Variants in LAMA3 observed in about 807,000 individuals in gnomAD.
The protein encoded by LAMA3 is laminin subunit alpha 3.
In LAMA3, 281 loss-of-function variants were observed where a neutral mutation model predicts 402.0. That is an observed-to-expected ratio of 0.70 (90% CI 0.63 to 0.77). The LOEUF is 0.77. LAMA3 is among the 30% of genes least tolerant of loss of function. The pLI is 0.00. For synonymous variants in LAMA3, 1,431 were observed against 1,558.4 expected, an observed-to-expected ratio of 0.92 and a Z score of 1.93; for missense variants, 3,840 against 4,215.5, an observed-to-expected ratio of 0.91 and a Z score of 2.47.
intron 23 of LAMA3, among the ~76,000 whole-genome samples, chr18:23,831,431 G>A (rs1041574099): frequency 2.6e-5 from 4 of 151,900 alleles, no homozygotes; most frequent in African/African-American, 9.7e-5. Flanking sequence ...GCCTCCTACT[G>A]CAAGCCGTTC....
intron 8 of LAMA3, among the ~76,000 whole-genome samples, chr18:23,769,093 C>A (rs1017763646): frequency 6.6e-6 from 1 of 152,144 alleles, no homozygotes; most frequent in Admixed American, 6.6e-5. Context: ...GAGCGCCATG[C>A]AATATATCCA....
chr18:23,922,196 T>C (rs1391320658), intron 62 of LAMA3, among the ~76,000 whole-genome samples: 1 of 152,212 alleles, frequency 6.6e-6, no homozygotes, highest in African/African-American at 2.4e-5. Flanking sequence ...ATTTTGATCA[T>C]TTGTATCCTC....
chr18:23,842,325 G>T (rs2063719476), intron 27 of LAMA3, 70 bp from the exon 28 acceptor site: 3 of 1,580,042 alleles, frequency 1.9e-6, no homozygotes, highest in Admixed American at 3.3e-5. Flanking sequence ...AATACTCTAT[G>T]ATTCCAGTTA....
rs138907590 is a variant in LAMA3 at position 23,955,043 on chromosome 18, A to T, written c.*395A>T. ...TTAAAGGATTATAATTTATGGAATT[A>T]AAAAATGCAGTGTAGTCCTTAAATT... is the stretch of plus-strand genomic sequence containing the variant. On this transcript the variant is annotated 3_prime_UTR_variant, in exon 75 of 75. Transcript: ENST00000313654. 1,098 of 267,062 alleles carry T rather than the reference A, an allele frequency of 4.1e-3. 32 individuals are homozygous for T. The Admixed American group carries it at 0.052, about 13-fold the overall frequency. The allele number at this position is 267,062 out of a possible 1,614,324, so 16.5% of individuals were successfully genotyped here.
At chr18:23,937,701 A>C (rs932623815) in intron 67 of LAMA3, among the ~76,000 whole-genome samples, 2 of 152,206 alleles carry the variant, frequency 1.3e-5, no homozygotes, top group South Asian at 2.1e-4. Flanking sequence ...CACTGGTATG[A>C]GTCCCAGGCA....
Position 23,861,780 on chromosome 18 carries a change from C to T in LAMA3, c.4557C>T (p.Val1519=), listed in dbSNP as rs202215313. ...LPATIHSASW[V]APTSYLGDKV... ...CAACCATCCACAGCGCGTCCTGGGT[C>T]GCACCCACCTCCTACCTGGGGGACA... The change falls in exon 35 of 75, where the codon GTC becomes GTT. Residue 1519 remains valine (V), a synonymous_variant. Transcript: ENST00000313654. The T allele has an allele frequency of 5.5e-4, 881 of 1,613,484 alleles. 4 individuals are homozygous for T. In the Middle Eastern group the frequency reaches 0.013, roughly 24 times the overall value.
intron 24 of LAMA3, among the ~76,000 whole-genome samples, chr18:23,835,394 C>T (rs921440603): frequency 2.6e-5 from 4 of 152,144 alleles, no homozygotes; most frequent in Admixed American, 1.3e-4. Context: ...GGAGTGGTTT[C>T]AAAACCAAAG....
At chr18:23,769,776 C>A (rs999557825) in intron 8 of LAMA3, among the ~76,000 whole-genome samples, 1 of 152,134 alleles carries the variant, frequency 6.6e-6, no homozygotes, top group Non-Finnish European at 1.5e-5. Flanking sequence ...ATAAAAAATA[C>A]TCTAAATGTT....
At chr18:23,806,593 T>A (rs932907033) in intron 12 of LAMA3, among the ~76,000 whole-genome samples, 4 of 152,202 alleles carry the variant, frequency 2.6e-5, no homozygotes, top group African/African-American at 9.6e-5. Context: ...CGTTGGAATT[T>A]AGGGGTTCAG....
intron 54 of LAMA3, among the ~76,000 whole-genome samples, chr18:23,908,533 C>CAAAAAAAAAAAAAAAAAAAGAAAAA (rs2081329167): frequency 1.8e-5 from 1 of 57,038 alleles, no homozygotes; most frequent in African/African-American, 5.4e-5. Flanking sequence ...CCATCTCAAA[C>CAAAAAAAAAAAAAAAAAAAGAAAAA]AAAAAAAAAA....
At chr18:23,725,299 C>G (rs888048645) in intron 2 of LAMA3, among the ~76,000 whole-genome samples, 1 of 152,078 alleles carries the variant, frequency 6.6e-6, no homozygotes, top group African/African-American at 2.4e-5. Context: ...TTAGTAGAGA[C>G]GGGGTTCCAC....
At chr18:23,894,626 G>A (rs1316989843) in intron 43 of LAMA3, among the ~76,000 whole-genome samples, 1 of 152,186 alleles carries the variant, frequency 6.6e-6, no homozygotes, top group Non-Finnish European at 1.5e-5. Context: ...TTATCACAAT[G>A]CCTGGTAAAT....
At chr18:23,931,555 A>C (rs546312959) in intron 65 of LAMA3, 1 of 230,172 alleles carries the variant, frequency 4.3e-6, no homozygotes, top group East Asian at 1.1e-4. Context: ...AGTTGGATGG[A>C]TAAATTGTGG....
At chr18:23,709,514 T>C (rs2060950021) in intron 1 of LAMA3, among the ~76,000 whole-genome samples, 1 of 151,358 alleles carries the variant, frequency 6.6e-6, no homozygotes, top group Non-Finnish European at 1.5e-5. Flanking sequence ...GCCCATTTTT[T>C]ACTTTCAATT....
chr18:23,822,417 G>A, intron 20 of LAMA3, 42 bp downstream of exon 20: 1 of 1,589,704 alleles, frequency 6.3e-7, no homozygotes, highest in Non-Finnish European at 8.6e-7. Context: ...TTTCAATTAA[G>A]AAATAAATAG....
At chr18:23,706,408 C>T (rs1489559302) in intron 1 of LAMA3, among the ~76,000 whole-genome samples, 1 of 152,164 alleles carries the variant, frequency 6.6e-6, no homozygotes, top group African/African-American at 2.4e-5. Context: ...AAAACAGTTT[C>T]CAAAGTTTTT....
At chr18:23,795,358 G>A (rs1316677429) in intron 12 of LAMA3, among the ~76,000 whole-genome samples, 1 of 152,170 alleles carries the variant, frequency 6.6e-6, no homozygotes, top group Non-Finnish European at 1.5e-5. Flanking sequence ...CAATTCTGAA[G>A]ATACTGAGGG....
intron 43 of LAMA3, among the ~76,000 whole-genome samples, 193 bp from the exon 44 acceptor site, chr18:23,894,714 T>C (rs1429125533): frequency 6.6e-6 from 1 of 152,228 alleles, no homozygotes; most frequent in Admixed American, 6.5e-5. Context: ...GGAATCTCCA[T>C]TTCTAAAATG....
At position 23,846,327 on chromosome 18, in the gene LAMA3, T is replaced by G; in HGVS notation, c.3750T>G (p.Asn1250Lys). 1 of 1,614,230 alleles carries G rather than the reference T, an allele frequency of 6.2e-7. No individual in the cohort carries two copies. The highest frequency in any genetic ancestry group is 1.1e-5 in the South Asian group (1 of 91,084). The change falls in exon 31 of 75, where the codon AAT becomes AAG. Residue 1250 changes from asparagine (N) to lysine (K), a missense_variant. By Grantham distance (94) the Asn-to-Lys change is moderately conservative. Around this residue, in one of 3 missense-constraint regions of LAMA3, gnomAD observed 2,109 missense variants for 2,376.0 expected, o/e 0.89. Coordinates refer to ENST00000313654, the MANE Select transcript of LAMA3 (RefSeq NM_198129.4). ...DPQTASRFCKNSARSLVAFYH... is the reference protein window; with the variant it reads ...DPQTASRFCKKSARSLVAFYH... Reference sequence around the variant, plus strand: ...AGACAGCCTCCAGATTCTGTAAGAATTCCGCCAGGTCCCTGGTGGCCTTTT... The same window carrying G: ...AGACAGCCTCCAGATTCTGTAAGAAGTCCGCCAGGTCCCTGGTGGCCTTTT...
Sources: gnomAD v4.1 joint callset for allele counts (sites outside exome capture counted in the v4.1 genomes callset) on GRCh38, gnomAD v4.1.1 for gene constraint, gnomAD v4.1.1 regional missense constraint, MANE v1.5 for transcripts, NCBI Gene and HGNC (gene_info 2026-07-23, HGNC 2026-07-21) for gene names.